Variants in FARP2 observed in about 807,000 individuals in gnomAD.
FARP2 encodes FERM, ARHGEF and pleckstrin domain-containing protein 2.
A neutral mutation model predicts 130.5 loss-of-function variants in FARP2; 111 were observed. The observed-to-expected ratio is 0.85, with a 90% CI of 0.73 to 1.00. The LOEUF (loss-of-function observed/expected upper bound fraction) is 1.00. Ranked by LOEUF, FARP2 falls within the 50% of genes least tolerant of loss-of-function variation. The probability of loss-of-function intolerance (pLI) is 0.00; values close to 1 mark genes in which losing one functional copy is unlikely to be tolerated. For missense variants in FARP2, 1,385 were observed against 1,346.3 expected (o/e 1.03, Z -0.45); for synonymous variants, 504 against 516.9 (o/e 0.98, Z 0.34).
intron 2 of FARP2, among the ~76,000 whole-genome samples, chr2:241,398,055 TCTC>T (rs920157766): frequency 2.6e-5 from 4 of 151,902 alleles, no homozygotes; most frequent in African/African-American, 9.7e-5. Context: ...ATGGTCTCGA[TCTC>T]CTGACCTCGT....
intron 1 of FARP2, among the ~76,000 whole-genome samples, chr2:241,360,263 T>A (rs2061157965): frequency 6.6e-6 from 1 of 152,104 alleles, no homozygotes; most frequent in South Asian, 2.1e-4. Context: ...AGATGCCAGG[T>A]TTTATGGAGC....
intron 18 of FARP2, among the ~76,000 whole-genome samples, chr2:241,469,327 C>T (rs935095609): frequency 2.0e-5 from 3 of 152,064 alleles, no homozygotes; most frequent in Non-Finnish European, 2.9e-5. Flanking sequence ...CCTCGTGATC[C>T]GCCTGCCTCA....
chr2:241,402,365 T>C (rs1174262520), intron 2 of FARP2, among the ~76,000 whole-genome samples: 4 of 152,210 alleles, frequency 2.6e-5, no homozygotes, highest in Non-Finnish European at 5.9e-5. Flanking sequence ...TGTTTTATTA[T>C]TAAAGAAATT....
chr2:241,372,023 TA>T (rs1251480543), intron 1 of FARP2, among the ~76,000 whole-genome samples: 2 of 152,034 alleles, frequency 1.3e-5, no homozygotes, highest in Non-Finnish European at 2.9e-5. Context: ...AAATCTGTTT[TA>T]AAAAATATAT....
chr2:241,463,702 C>G, intron 16 of FARP2, 197 bp from the exon 17 acceptor site: 2 of 680,728 alleles, frequency 2.9e-6, no homozygotes, highest in Non-Finnish European at 4.9e-6. Context: ...TGCCTGGTTA[C>G]TATCTGTTTT....
intron 1 of FARP2, among the ~76,000 whole-genome samples, chr2:241,366,120 T>TATATATATATATATATAC (rs1238134390): frequency 2.3e-5 from 1 of 44,312 alleles, no homozygotes; most frequent in African/African-American, 7.8e-5. Context: ...TATATATATA[T>TATATATATATATATATAC]ACGTATATAT....
chr2:241,431,574 G>A (rs2063091119), intron 8 of FARP2, 105 bp from the exon 9 acceptor site: 1 of 670,530 alleles, frequency 1.5e-6, no homozygotes, highest in Non-Finnish European at 2.7e-6. Context: ...AAAATGCCAA[G>A]TAGAGTGCTG....
In FARP2 at chr2:241,360,215, T is replaced by C. The variant is rs1008669109; in HGVS notation, c.-25+3827T>C. 3.9e-5 allele frequency among the ~76,000 whole-genome samples: 6 copies of C among 152,210 alleles called. No homozygotes were observed. The East Asian group carries it at 9.6e-4, about 24-fold the overall frequency. ...GAAACAGAATAGAGCTCAATAAATA[T>C]TTGAATGAATTAATCAGATTTCTTC... On this transcript the variant is annotated intron_variant, in intron 1 of 26. Coordinates refer to ENST00000264042, the MANE Select transcript of FARP2 (RefSeq NM_014808.4).
chr2:241,418,257 C>G lies in FARP2; in HGVS notation c.771+148C>G, dbSNP rs1046334453. The G allele has an allele frequency of 1.0e-5, 8 of 776,152 alleles. 1 individual carries two copies. Among genetic ancestry groups the G allele is most frequent in the Non-Finnish European group, 1.3e-5 (6 of 476,470 alleles). The allele number at this position is 776,152 out of a possible 1,614,324, so 48.1% of individuals were successfully genotyped here. A position where few individuals can be genotyped will look rare whatever the true frequency, so the allele number is the denominator to read the frequency against. ...AGAGGGGCTTTGCATATCATCCAAT[C>G]CAACCTCTTACTCAGTGGGAAAATT... is the stretch of plus-strand genomic sequence containing the variant. On this transcript the variant is annotated intron_variant, in intron 8 of 26. Coordinates refer to ENST00000264042, the MANE Select transcript of FARP2 (RefSeq NM_014808.4).
chr2:241,489,885 C>T, intron 21 of FARP2, 77 bp from the exon 22 acceptor site: 3 of 961,684 alleles, frequency 3.1e-6, no homozygotes, highest in Non-Finnish European at 5.0e-6. Flanking sequence ...TGCCAGCAGT[C>T]ACCTTGTGTC....
Position 241,491,610 on chromosome 2 carries a change from C to G in FARP2, c.2718C>G (p.Asn906Lys). The change falls in exon 24 of 27, where the codon AAC (asparagine) becomes AAG (lysine). Residue 906 changes from asparagine to lysine, a missense_variant. Physicochemically the swap from Asn to Lys is moderately conservative, Grantham distance 94. Transcript: ENST00000264042. Reference sequence around the variant, plus strand: ...AGGGGCATGGCCAGCACCGGGCCAACACCACAATGCACGTGTGCTGGTACC... The same window carrying G: ...AGGGGCATGGCCAGCACCGGGCCAAGACCACAATGCACGTGTGCTGGTACC... ...SLEGHGQHRA[N>K]TTMHVCWYRN... The G allele has an allele frequency of 6.2e-7, 1 of 1,613,748 alleles. No homozygotes were observed. Among genetic ancestry groups the G allele is most frequent in the Non-Finnish European group, 8.5e-7 (1 of 1,179,974 alleles).
intron 2 of FARP2, among the ~76,000 whole-genome samples, chr2:241,375,777 G>T (rs1050303973): frequency 4.2e-4 from 64 of 151,166 alleles, no homozygotes; most frequent in African/African-American, 1.5e-3. Context: ...TTTTTTTTAA[G>T]AGACAGGATC....
At chr2:241,416,875 C>T (rs1196210400) in intron 7 of FARP2, among the ~76,000 whole-genome samples, 1 of 152,130 alleles carries the variant, frequency 6.6e-6, no homozygotes, top group East Asian at 1.9e-4. Context: ...TGCCACTACA[C>T]TCCAGCCTGG....
intron 10 of FARP2, 139 bp from the exon 11 acceptor site, chr2:241,434,823 G>A (rs56352948): frequency 0.19 from 116,651 of 617,408 alleles, 12,635 homozygotes; most frequent in East Asian, 0.39. Flanking sequence ...GCAATAGAGC[G>A]AGACTCAGTC....
intron 17 of FARP2, chr2:241,466,564 C>T (rs534055720): frequency 6.8e-5 from 67 of 985,446 alleles, no homozygotes; most frequent in Admixed American, 1.2e-4. Flanking sequence ...TTCCACCTCC[C>T]GCTAGAAGCC....
At chr2:241,429,995 T>A (rs1167849994) in intron 8 of FARP2, among the ~76,000 whole-genome samples, 1 of 152,218 alleles carries the variant, frequency 6.6e-6, no homozygotes, top group Non-Finnish European at 1.5e-5. Flanking sequence ...CACACTCATC[T>A]TCTAGTTAGA....
At chr2:241,437,760 G>A (rs905849919) in intron 12 of FARP2, among the ~76,000 whole-genome samples, 1 of 150,706 alleles carries the variant, frequency 6.6e-6, no homozygotes, top group Non-Finnish European at 1.5e-5. Context: ...CACCTCCCGT[G>A]TTCACACCAT....
At chr2:241,365,096 G>T (rs968298448) in intron 1 of FARP2, among the ~76,000 whole-genome samples, 1 of 152,118 alleles carries the variant, frequency 6.6e-6, no homozygotes, top group African/African-American at 2.4e-5. Context: ...CTCTCTCTCA[G>T]CTTGAACTCT....
At chr2:241,399,809 C>T (rs997550007) in intron 2 of FARP2, among the ~76,000 whole-genome samples, 10 of 152,180 alleles carry the variant, frequency 6.6e-5, no homozygotes, top group South Asian at 4.2e-4. Flanking sequence ...TGTGCCTTTC[C>T]GTGATTCATA....
Sources: gnomAD v4.1 joint callset for allele counts (sites outside exome capture counted in the v4.1 genomes callset) on GRCh38, gnomAD v4.1.1 for gene constraint, MANE v1.5 for transcripts, NCBI Gene and HGNC (gene_info 2026-07-23, HGNC 2026-07-21) for gene names.